L3MBTL4: variants seen among roughly 807,000 people sequenced by gnomAD.
L3MBTL4 encodes the protein lethal(3)malignant brain tumor-like protein 4.
Under a neutral mutation model 84.5 loss-of-function variants are expected in L3MBTL4, and 70 were observed. The observed-to-expected ratio is 0.83, with a 90% confidence interval of 0.68 to 1.01. L3MBTL4 has a LOEUF of 1.01. Among genes scored for constraint, L3MBTL4 ranks in the 50% least tolerant of loss-of-function variants. The pLI, the probability that L3MBTL4 is intolerant of heterozygous loss-of-function variation, is 0.00. For synonymous variants in L3MBTL4, 274 were observed against 259.8 expected (o/e 1.05, Z -0.52); for missense variants, 715 against 754.8 (o/e 0.95, Z 0.62).
At chr18:6,055,745 C>T (rs1001728026) in intron 16 of L3MBTL4, among the ~76,000 whole-genome samples, 15 of 152,048 alleles carry the variant, frequency 9.9e-5, no homozygotes, top group East Asian at 5.8e-4. Flanking sequence ...CACAGTGGTC[C>T]GGGGGAGGGG....
chr18:6,082,162 A>G (rs957356358), intron 15 of L3MBTL4, among the ~76,000 whole-genome samples: 1 of 152,174 alleles, frequency 6.6e-6, no homozygotes, highest in Admixed American at 6.5e-5. Context: ...TGGGTTGTTC[A>G]GAGCAACTAG....
chr18:6,277,646 A>C (rs946247670), intron 4 of L3MBTL4, among the ~76,000 whole-genome samples: 5 of 152,172 alleles, frequency 3.3e-5, no homozygotes, highest in Admixed American at 1.3e-4. Flanking sequence ...CATTTATTCA[A>C]ATAGTAATTT....
intron 16 of L3MBTL4, among the ~76,000 whole-genome samples, chr18:6,011,286 C>T (rs757260541): frequency 2.0e-5 from 3 of 152,004 alleles, no homozygotes; most frequent in Non-Finnish European, 4.4e-5. Context: ...AGTCTGTCAG[C>T]CATGATAGCA....
chr18:6,286,475 G>GTAATAA (rs201737991), intron 4 of L3MBTL4, among the ~76,000 whole-genome samples: 9 of 150,168 alleles, frequency 6.0e-5, no homozygotes, highest in African/African-American at 2.2e-4. Flanking sequence ...AATAATAATA[G>GTAATAA]TAATAATAAT....
At chr18:6,138,711 C>A (rs1455620248) in intron 13 of L3MBTL4, among the ~76,000 whole-genome samples, 1 of 152,072 alleles carries the variant, frequency 6.6e-6, no homozygotes, top group Non-Finnish European at 1.5e-5. Flanking sequence ...ACCACCACGC[C>A]CAGCTAATTT....
chr18:5,980,588 C>G (rs928922144), intron 16 of L3MBTL4, among the ~76,000 whole-genome samples: 1 of 151,958 alleles, frequency 6.6e-6, no homozygotes, highest in Admixed American at 6.6e-5. Flanking sequence ...TGCACCACCA[C>G]CCCTTGATAA....
chr18:6,061,636 A>C (rs1451799523), intron 16 of L3MBTL4, among the ~76,000 whole-genome samples: 1 of 151,910 alleles, frequency 6.6e-6, no homozygotes, highest in East Asian at 1.9e-4. Context: ...TAGATCCATG[A>C]TCCATCCTGA....
intron 14 of L3MBTL4, among the ~76,000 whole-genome samples, chr18:6,137,258 T>A (rs1568182203): frequency 1.3e-5 from 2 of 152,218 alleles, no homozygotes; most frequent in Non-Finnish European, 2.9e-5. Flanking sequence ...TCTTTTTTTA[T>A]GAATGCTATA....
At chr18:6,228,413 A>T (rs1263528148) in intron 10 of L3MBTL4, among the ~76,000 whole-genome samples, 1 of 152,232 alleles carries the variant, frequency 6.6e-6, no homozygotes, top group Non-Finnish European at 1.5e-5. Flanking sequence ...CAAAATTTTT[A>T]AAATCTGCTT....
intron 16 of L3MBTL4, among the ~76,000 whole-genome samples, chr18:6,019,369 G>T (rs541271116): frequency 6.6e-6 from 1 of 152,314 alleles, no homozygotes; most frequent in African/African-American, 2.4e-5. Flanking sequence ...TAGTTCATTA[G>T]AGTTTAATGG....
intron 17 of L3MBTL4, among the ~76,000 whole-genome samples, chr18:5,966,871 T>G (rs1394353860): frequency 6.6e-6 from 1 of 151,334 alleles, no homozygotes; most frequent in African/African-American, 2.4e-5. Context: ...GAATGGCATT[T>G]GGCACGTCTC....
chr18:6,261,045 A>T (rs1433638181), intron 5 of L3MBTL4: 1 of 152,256 alleles, frequency 6.6e-6, no homozygotes, highest in Non-Finnish European at 1.5e-5. Flanking sequence ...ATAATTGGTG[A>T]GCTTAATTCT....
At chr18:6,008,598 G>C (rs543854758) in intron 16 of L3MBTL4, among the ~76,000 whole-genome samples, 1 of 152,226 alleles carries the variant, frequency 6.6e-6, no homozygotes, top group African/African-American at 2.4e-5. Context: ...GCATAATCGT[G>C]TCTGGGGGCT....
chr18:6,386,684 G>C (rs1418053852), intron 1 of L3MBTL4, among the ~76,000 whole-genome samples: 1 of 152,166 alleles, frequency 6.6e-6, no homozygotes, highest in East Asian at 1.9e-4. Context: ...GAGAAGTGTA[G>C]AAGTCCTGAG....
intron 1 of L3MBTL4, among the ~76,000 whole-genome samples, chr18:6,353,440 G>A (rs1458611050): frequency 6.6e-6 from 1 of 152,070 alleles, no homozygotes; most frequent in Non-Finnish European, 1.5e-5. Flanking sequence ...AAAAATATCA[G>A]TGATATGTTT....
chr18:6,059,311 C>G (rs2057129834), intron 16 of L3MBTL4, among the ~76,000 whole-genome samples: 1 of 152,160 alleles, frequency 6.6e-6, no homozygotes, highest in South Asian at 2.1e-4. Flanking sequence ...CTCCCTCAAG[C>G]CTTGTACCTA....
chr18:6,383,906 A>T (rs1024446105), intron 1 of L3MBTL4, among the ~76,000 whole-genome samples: 2 of 152,230 alleles, frequency 1.3e-5, no homozygotes, highest in Non-Finnish European at 2.9e-5. Context: ...AGGATCAGGT[A>T]CAGTTTTTAA....
At position 6,323,076 on chromosome 18, in the gene L3MBTL4, C is replaced by T. The variant is rs535572577; in HGVS notation, c.-90-11020G>A. On this transcript the variant is annotated intron_variant, in intron 1 of 18. Coordinates refer to ENST00000317931, the MANE Select transcript of L3MBTL4 (RefSeq NM_001330559.2). ...GCTCCAGCTATGTAAGTAATGCCTG[C>T]TTCTCCTTTGTTTTCTGCCATGACT... Among the ~76,000 whole-genome samples the T allele has an allele frequency of 1.7e-4, 26 of 152,302 alleles. No individual in the cohort carries two copies. The South Asian group carries it at 5.2e-3, about 30-fold the overall frequency.
chr18:6,140,579 C>T (rs2060167055), intron 13 of L3MBTL4, among the ~76,000 whole-genome samples: 2 of 152,098 alleles, frequency 1.3e-5, no homozygotes, highest in Non-Finnish European at 2.9e-5. Context: ...CCCAGCACTT[C>T]CCCTCCTTCC....
Sources: gnomAD v4.1 joint callset for allele counts (sites outside exome capture counted in the v4.1 genomes callset) on GRCh38, gnomAD v4.1.1 for gene constraint, MANE v1.5 for transcripts, NCBI Gene and HGNC (gene_info 2026-07-23, HGNC 2026-07-21) for gene names.